The following ZC3H4 variants were observed in gnomAD, a reference collection of about 807,000 sequenced individuals.
The protein encoded by ZC3H4 is zinc finger CCCH-type containing 4.
In ZC3H4, 13 loss-of-function variants were observed where a neutral mutation model predicts 108.3. The ratio of observed to expected loss-of-function variants is 0.12; its 90% CI spans 0.08 to 0.19. The LOEUF is 0.19. Ranked by LOEUF, ZC3H4 falls within the 10% of genes least tolerant of loss-of-function variation. ZC3H4 has a pLI of 1.00. For missense variants in ZC3H4, 1,734 were observed against 1,838.8 expected (o/e 0.94, Z 1.04); for synonymous variants, 917 against 749.6 (o/e 1.22, Z -3.65).
intron 7 of ZC3H4, 52 bp from the exon 8 acceptor site, chr19:47,085,247 C>G: frequency 1.3e-6 from 2 of 1,576,812 alleles, no homozygotes; most frequent in East Asian, 2.3e-5. Context: ...TCCCCCACCC[C>G]CAGGACTAGA....
At chr19:47,075,395 TCCTC>T (rs923268154) in intron 11 of ZC3H4, among the ~76,000 whole-genome samples, 104 of 152,188 alleles carry the variant, frequency 6.8e-4, no homozygotes, top group African/African-American at 2.5e-3. Flanking sequence ...CAAGGGCCCT[TCCTC>T]AACTGTGTGT....
At chr19:47,090,576 C>T (rs1011226737) in intron 4 of ZC3H4, among the ~76,000 whole-genome samples, 3 of 152,134 alleles carry the variant, frequency 2.0e-5, no homozygotes, top group African/African-American at 7.2e-5. Flanking sequence ...CAATAAATGG[C>T]CTGCTTGGCA....
At position 47,066,943 on chromosome 19, in the gene ZC3H4, G is replaced by T; in HGVS notation, c.3325C>A (p.Pro1109Thr). The change falls in exon 15 of 15, where the codon CCG becomes ACG. Residue 1109 changes from proline to threonine, a missense_variant. Physicochemically the swap from Pro to Thr is conservative, Grantham distance 38. Around this residue, in one of 9 missense-constraint regions of ZC3H4, gnomAD observed 518 missense variants for 499.6 expected, o/e 1.04. Coordinates refer to ENST00000253048, the MANE Select transcript of ZC3H4 (RefSeq NM_015168.2). The stretch of plus-strand genomic sequence containing the variant: ...GCTGGTGGGGAGGCATCCCCACTCG[G>T]GCTGGCGGTGGGAGAGGGCGCCTCA... ...PAEAPSPTAS[P>T]SGDASPPATA... 1 of 1,594,914 alleles carries T rather than the reference G, an allele frequency of 6.3e-7. No individual in the cohort carries two copies. The highest frequency in any genetic ancestry group is 8.5e-7 in the Non-Finnish European group (1 of 1,172,490).
chr19:47,084,441 T>C lies in ZC3H4; in HGVS notation c.1122A>G (p.Gly374=). 1 of 1,614,184 alleles carries C rather than the reference T, an allele frequency of 6.2e-7. No individual in the cohort carries two copies. The change falls in exon 9 of 15, where the codon GGA becomes GGG. Residue 374 remains glycine (G), a synonymous_variant. Transcript: ENST00000253048. Reference sequence around the variant, plus strand: ...TGTCATGGTCACGACTCCGGTAGCTTCCACCACCACCGTCCTGCAATGGAC... The same window carrying C: ...TGTCATGGTCACGACTCCGGTAGCTCCCACCACCACCGTCCTGCAATGGAC... ...YDEDMGDGGG[G]SYRSRDHDKP...
chr19:47,095,763 A>G (rs1407206343), intron 2 of ZC3H4, among the ~76,000 whole-genome samples: 1 of 152,204 alleles, frequency 6.6e-6, no homozygotes, highest in Non-Finnish European at 1.5e-5. Context: ...GAAAAAAACA[A>G]TCTTTTTGAA....
In ZC3H4 at chr19:47,098,486, C is replaced by CAAA. The variant is rs142251542; in HGVS notation, c.162-3881_162-3879dup. Among the ~76,000 whole-genome samples the CAAA allele has an allele frequency of 2.9e-4, 29 of 100,208 alleles. 2 individuals are homozygous for CAAA. The highest frequency in any genetic ancestry group is 3.4e-4 in the Non-Finnish European group (19 of 55,528). 65.7% of individuals were successfully genotyped at this position (100,208 alleles called of 152,430 possible). A position where few individuals can be genotyped will look rare whatever the true frequency, so the allele number is the denominator to read the frequency against. On this transcript the variant is annotated intron_variant, in intron 2 of 14. Transcript: ENST00000253048. ...TGCGAGACAGAGTGAAACTGTGTCTCAAAAAAAAAAAAAAAAAAACTAATC... is the reference window on the plus strand; with the variant it reads ...TGCGAGACAGAGTGAAACTGTGTCTCAAAAAAAAAAAAAAAAAAAAAACTAATC...
chr19:47,112,694 T>C, intron 1 of ZC3H4, 105 bp from the exon 2 acceptor site: 1 of 646,816 alleles, frequency 1.5e-6, no homozygotes, highest in Non-Finnish European at 2.2e-6. Context: ...GGGTATATAT[T>C]TTTTCGGTTT....
chr19:47,084,970 C>A, intron 8 of ZC3H4, 86 bp downstream of exon 8: 1 of 1,556,926 alleles, frequency 6.4e-7, no homozygotes, highest in Non-Finnish European at 8.8e-7. Flanking sequence ...CAGCAAGGAT[C>A]AGCTTCACAG....
chr19:47,085,070 C>G lies in ZC3H4; in HGVS notation c.1093G>C (p.Asp365His). Residue 365 changes from aspartate (D) to histidine (H), a missense_variant, in exon 8 of 15, where the codon GAC becomes CAC. Around this residue, in one of 9 missense-constraint regions of ZC3H4, gnomAD observed 403 missense variants for 457.0 expected, o/e 0.88. Transcript: ENST00000253048. ...AGTCAACTCACGCCCATGTCCTCGTCATAGAAGTCTTCGTCATCGTTCATT... is the reference window on the plus strand; with the variant it reads ...AGTCAACTCACGCCCATGTCCTCGTGATAGAAGTCTTCGTCATCGTTCATT... ...GGMNDDEDFY[D>H]EDMGDGGGGS... 6.2e-7 allele frequency: 1 copy of G among 1,614,230 alleles called. No homozygotes were observed. Among genetic ancestry groups the G allele is most frequent in the East Asian group, 2.2e-5 (1 of 44,882 alleles).
At chr19:47,113,269 G>A (rs1365754775) in intron 1 of ZC3H4, 4 of 153,170 alleles carry the variant, frequency 2.6e-5, no homozygotes, top group Admixed American at 2.0e-4. Flanking sequence ...GAAGGCAAAG[G>A]GCGAGGCCGA....
At chr19:47,096,752 C>A in intron 2 of ZC3H4, 1 of 961,250 alleles carries the variant, frequency 1.0e-6, no homozygotes, top group Non-Finnish European at 1.2e-6. Context: ...ATGATCACCA[C>A]CCAGGCCACT....
At position 47,085,148 on chromosome 19, in the gene ZC3H4, T is replaced by C; in HGVS notation, c.1015A>G (p.Met339Val). Residue 339 changes from methionine to valine, a missense_variant, in exon 8 of 15, where the codon ATG becomes GTG. Physicochemically the swap from Met to Val is conservative, Grantham distance 21. Around this residue, in one of 9 missense-constraint regions of ZC3H4, gnomAD observed 403 missense variants for 457.0 expected, o/e 0.88. Transcript: ENST00000253048. ...GRGSRGRGKG[M>V]GRGRGRGGSR... The stretch of plus-strand genomic sequence containing the variant: ...CCACCTCGGCCTCGGCCCCGACCCA[T>C]TCCTTTCCCTCGACCTCGGGAGCCC... 6.2e-7 allele frequency: 1 copy of C among 1,613,202 alleles called. No individual in the cohort carries two copies. The highest frequency in any genetic ancestry group is 1.1e-5 in the South Asian group (1 of 91,030).
At chr19:47,079,936 G>A (rs1174014811) in intron 11 of ZC3H4, among the ~76,000 whole-genome samples, 3 of 152,100 alleles carry the variant, frequency 2.0e-5, no homozygotes, top group Non-Finnish European at 2.9e-5. Context: ...TCCCCGGAGG[G>A]ACTTGCCTTT....
chr19:47,090,047 A>T lies in ZC3H4; in HGVS notation c.635T>A (p.Met212Lys). ...GEYEGDEEED[M>K]GKEDYDDFTK... Reference sequence around the variant, plus strand: ...GAAGTCGTCATAGTCCTCCTTGCCCATGTCCTCCTCCTCGTCGCCCTCATA... The same window carrying T: ...GAAGTCGTCATAGTCCTCCTTGCCCTTGTCCTCCTCCTCGTCGCCCTCATA... Residue 212 changes from methionine to lysine, a missense_variant, in exon 5 of 15, where the codon ATG becomes AAG. Physicochemically the swap from Met to Lys is moderately conservative, Grantham distance 95. Coordinates refer to ENST00000253048, the MANE Select transcript of ZC3H4 (RefSeq NM_015168.2). 1 of 1,614,058 alleles carries T rather than the reference A, an allele frequency of 6.2e-7. No homozygotes were observed. The highest frequency in any genetic ancestry group is 8.5e-7 in the Non-Finnish European group (1 of 1,179,990).
At chr19:47,074,739 G>T (rs1433126599) in intron 11 of ZC3H4, among the ~76,000 whole-genome samples, 1 of 152,214 alleles carries the variant, frequency 6.6e-6, no homozygotes, top group Non-Finnish European at 1.5e-5. Context: ...AACCCTGGGC[G>T]CTGAGCAAGT....
At chr19:47,098,948 C>A (rs1408986013) in intron 2 of ZC3H4, among the ~76,000 whole-genome samples, 1 of 152,106 alleles carries the variant, frequency 6.6e-6, no homozygotes, top group African/African-American at 2.4e-5. Flanking sequence ...GTAACCTGAG[C>A]CTTGCTTTTC....
chr19:47,070,383 A>C (rs1342107794), intron 13 of ZC3H4, among the ~76,000 whole-genome samples: 2 of 152,170 alleles, frequency 1.3e-5, no homozygotes, highest in Non-Finnish European at 2.9e-5. Flanking sequence ...CATGAACCAG[A>C]CAGCCGAGGG....
rs1015343528 is a variant in ZC3H4 at position 47,066,120 on chromosome 19, A to G, written c.*236T>C. 2.6e-6 allele frequency: 1 copy of G among 385,794 alleles called. No homozygotes were observed. The highest frequency in any genetic ancestry group is 2.1e-5 in the African/African-American group (1 of 48,102). The allele number at this position is 385,794 out of a possible 1,614,324, so 23.9% of individuals were successfully genotyped here. ...TTTGCGGGCATGAGTCGGTTTGCTC[A>G]GCAGGAGCCCCTGAGCCCGCCACAC... On this transcript the variant is annotated 3_prime_UTR_variant, in exon 15 of 15. Coordinates refer to ENST00000253048, the MANE Select transcript of ZC3H4 (RefSeq NM_015168.2).
rs188170246 is a variant in ZC3H4 at position 47,081,495 on chromosome 19, G to C, written c.1440+18C>G. 1.2e-4 allele frequency: 189 copies of C among 1,612,168 alleles called. 1 individual carries two copies. Among genetic ancestry groups the C allele is most frequent in the Middle Eastern group, 3.4e-4 (2 of 5,876 alleles). ...CCCAGTTCCTGTAGCCGGGGGCCCCGTTACCCCCGGACATTACCTTATCCA... is the reference window on the plus strand; with the variant it reads ...CCCAGTTCCTGTAGCCGGGGGCCCCCTTACCCCCGGACATTACCTTATCCA... On this transcript the variant is annotated intron_variant, in intron 11 of 14. Coordinates refer to ENST00000253048, the MANE Select transcript of ZC3H4 (RefSeq NM_015168.2).
Sources: allele counts gnomAD v4.1 joint callset (sites outside exome capture counted in the v4.1 genomes callset), GRCh38; gene constraint gnomAD v4.1.1; regional missense constraint gnomAD v4.1.1; transcripts MANE v1.5; gene names NCBI Gene and HGNC (gene_info 2026-07-23, HGNC 2026-07-21).